Variants in KNTC1 observed in about 807,000 individuals in gnomAD.
KNTC1 encodes kinetochore associated 1.
KNTC1 carries 253 observed loss-of-function variants against 314.4 expected under a neutral mutation model. The observed-to-expected ratio is 0.80, with a 90% CI of 0.73 to 0.89. The LOEUF is 0.89. Among genes scored for constraint, KNTC1 ranks in the 40% least tolerant of loss-of-function variants. The probability of loss-of-function intolerance (pLI) is 0.00; values close to 1 mark genes in which losing one functional copy is unlikely to be tolerated. For missense variants in KNTC1, 2,475 were observed against 2,572.9 expected, an observed-to-expected ratio of 0.96 and a Z score of 0.82; for synonymous variants, 901 against 901.4, an observed-to-expected ratio of 1.00 and a Z score of 0.01.
chr12:122,573,235 A>T lies in KNTC1; in HGVS notation c.2233A>T (p.Met745Leu), dbSNP rs1162534401. 1 of 1,613,794 alleles carries T rather than the reference A, an allele frequency of 6.2e-7. No individual in the cohort carries two copies. The highest frequency in any genetic ancestry group is 8.5e-7 in the Non-Finnish European group (1 of 1,179,836). Residue 745 changes from methionine to leucine, a missense_variant, in exon 26 of 64, where the codon ATG (methionine) becomes TTG (leucine). Transcript: ENST00000333479. ...CTTAGAGAAGTTTATAAGAGTTTAC[A>T]TGAGAGAACATGACTTGCAAGAGGA... is the stretch of plus-strand genomic sequence containing the variant. ...SILEKFIRVYMREHDLQEEEL... is the reference protein window; with the variant it reads ...SILEKFIRVYLREHDLQEEEL...
chr12:122,618,102 G>C (rs1001395086), intron 57 of KNTC1, among the ~76,000 whole-genome samples: 3 of 152,188 alleles, frequency 2.0e-5, no homozygotes, highest in Non-Finnish European at 4.4e-5. Flanking sequence ...CTCCCGAGTA[G>C]CTGGGATTAC....
intron 4 of KNTC1, among the ~76,000 whole-genome samples, 163 bp from the exon 5 acceptor site, chr12:122,539,513 A>C (rs1962116215): frequency 6.6e-6 from 1 of 152,180 alleles, no homozygotes; most frequent in South Asian, 2.1e-4. Flanking sequence ...GAAGGTATTT[A>C]GTACACTTGT....
intron 2 of KNTC1, among the ~76,000 whole-genome samples, chr12:122,534,238 C>T (rs1291368145): frequency 6.6e-6 from 1 of 152,200 alleles, no homozygotes; most frequent in Non-Finnish European, 1.5e-5. Context: ...TTCCCACTGG[C>T]TGGTGTGAAG....
intron 3 of KNTC1, among the ~76,000 whole-genome samples, chr12:122,537,421 A>AT (rs1003496632): frequency 0.019 from 2,687 of 141,136 alleles, 47 homozygotes; most frequent in South Asian, 0.054. Context: ...TTTATCAGCT[A>AT]TTTTTTTTTT....
intron 39 of KNTC1, 31 bp downstream of exon 39, chr12:122,587,905 G>C (rs1424180882): frequency 6.3e-7 from 1 of 1,591,642 alleles, no homozygotes; most frequent in Non-Finnish European, 8.6e-7. Flanking sequence ...ACTTTGACTT[G>C]GGGTGAATAT....
chr12:122,537,491 T>C (rs1164515796), intron 3 of KNTC1, among the ~76,000 whole-genome samples: 4 of 151,826 alleles, frequency 2.6e-5, no homozygotes, highest in Admixed American at 6.6e-5. Flanking sequence ...TGATTTCAGC[T>C]CACTGCAGCC....
chr12:122,589,471 GTTTT>G (rs11352437), intron 40 of KNTC1, among the ~76,000 whole-genome samples: 2 of 126,788 alleles, frequency 1.6e-5, no homozygotes, highest in Non-Finnish European at 3.3e-5. Context: ...AAAAAATTGT[GTTTT>G]TTTTTTTTTT....
intron 57 of KNTC1, chr12:122,617,544 C>G: frequency 4.4e-6 from 1 of 225,898 alleles, no homozygotes; most frequent in East Asian, 1.4e-4. Context: ...CCTTATTCAC[C>G]TTCTTGAAAT....
intron 3 of KNTC1, among the ~76,000 whole-genome samples, chr12:122,535,039 T>A (rs1961674287): frequency 6.6e-6 from 1 of 152,258 alleles, no homozygotes; most frequent in Admixed American, 6.5e-5. Context: ...TTTACTTGCT[T>A]GTATTAGAAT....
intron 16 of KNTC1, among the ~76,000 whole-genome samples, chr12:122,555,389 T>TA (rs907987835): frequency 1.1e-4 from 16 of 152,192 alleles, no homozygotes; most frequent in African/African-American, 3.9e-4. Flanking sequence ...CTGTCTGTAC[T>TA]AAAAATACAA....
At position 122,579,948 on chromosome 12, in the gene KNTC1, T is replaced by A. The variant is rs769507476; in HGVS notation, c.2885T>A (p.Ile962Asn). 1.2e-6 allele frequency: 2 copies of A among 1,610,654 alleles called. No individual in the cohort carries two copies. Among genetic ancestry groups the A allele is most frequent in the South Asian group, 1.1e-5 (1 of 90,956 alleles). ...TCTGTAGCGAAGACATCCGTGGACA[T>A]TCTTAAGATACTATGTGACATTCAG... ...RMSVAKTSVD[I>N]LKILCDIQKD... Residue 962 changes from isoleucine (I) to asparagine (N), a missense_variant, in exon 32 of 64, where the codon ATT becomes AAT. Coordinates refer to ENST00000333479, the MANE Select transcript of KNTC1 (RefSeq NM_014708.6).
chr12:122,542,006 T>TC (rs753335693), intron 5 of KNTC1, 44 bp from the exon 6 acceptor site: 2 of 1,477,978 alleles, frequency 1.4e-6, no homozygotes, highest in Non-Finnish European at 1.8e-6. Context: ...AGAATGAGAC[T>TC]CCATCTCAAA....
At chr12:122,603,538 G>A (rs1301300183) in intron 48 of KNTC1, among the ~76,000 whole-genome samples, 1 of 151,900 alleles carries the variant, frequency 6.6e-6, no homozygotes, top group East Asian at 1.9e-4. Context: ...CTGTCGCCAG[G>A]CTGGAGTGTA....
At chr12:122,572,809 A>G (rs1205863183) in intron 24 of KNTC1, 128 bp from the exon 25 acceptor site, 4 of 686,698 alleles carry the variant, frequency 5.8e-6, no homozygotes, top group Non-Finnish European at 9.4e-6. Context: ...AAGTTGGTTT[A>G]AAGTTGCAGG....
At chr12:122,575,934 TC>T (rs778831162) in intron 29 of KNTC1, 35 bp downstream of exon 29, 3 of 1,559,452 alleles carry the variant, frequency 1.9e-6, no homozygotes, top group Non-Finnish European at 2.6e-6. Context: ...TTTTTCTCTT[TC>T]ATTTCTGGGG....
chr12:122,572,791 T>C (rs888784400), intron 24 of KNTC1, 146 bp from the exon 25 acceptor site: 8 of 580,794 alleles, frequency 1.4e-5, no homozygotes, highest in African/African-American at 1.3e-4. Flanking sequence ...CTACAAAATT[T>C]AGAGCATAAG....
Position 122,580,659 on chromosome 12 carries a change from G to T in KNTC1, c.2971G>T (p.Ala991Ser). ...AATGTTGAAACTATTTAAAGAGGTTGCTAGCTTACAGGTAAACATATTGAG... is the reference window on the plus strand; with the variant it reads ...AATGTTGAAACTATTTAAAGAGGTTTCTAGCTTACAGGTAAACATATTGAG... ...EEMLKLFKEV[A>S]SLQENFEVFL... Residue 991 changes from alanine to serine, a missense_variant, in exon 33 of 64, where the codon GCT becomes TCT. By Grantham distance (99) the Ala-to-Ser change is moderately conservative. Transcript: ENST00000333479. 1 of 1,563,164 alleles carries T rather than the reference G, an allele frequency of 6.4e-7. No individual in the cohort carries two copies. Among genetic ancestry groups the T allele is most frequent in the Non-Finnish European group, 8.7e-7 (1 of 1,150,144 alleles).
chr12:122,605,614 C>T (rs1255686249), intron 51 of KNTC1, among the ~76,000 whole-genome samples, 199 bp downstream of exon 51: 5 of 152,168 alleles, frequency 3.3e-5, no homozygotes, highest in African/African-American at 7.2e-5. Flanking sequence ...GGCGCGGTCT[C>T]GGCTCACTGC....
At chr12:122,539,784 A>AAT in intron 5 of KNTC1, 30 bp downstream of exon 5, 6 of 1,259,842 alleles carry the variant, frequency 4.8e-6, no homozygotes, top group Non-Finnish European at 6.4e-6. Flanking sequence ...TTTTTGAATG[A>AAT]CTTTTTTTTT....
Sources: gnomAD v4.1 joint callset for allele counts (sites outside exome capture counted in the v4.1 genomes callset) on GRCh38, gnomAD v4.1.1 for gene constraint, MANE v1.5 for transcripts, NCBI Gene and HGNC (gene_info 2026-07-23, HGNC 2026-07-21) for gene names.